Variants in LRP1B observed in about 807,000 individuals in gnomAD.
The protein encoded by LRP1B is LDL receptor related protein 1B, also known as low-density lipoprotein receptor-related protein 1B.
A neutral mutation model predicts 556.6 loss-of-function variants in LRP1B; 217 were observed. That is an observed-to-expected ratio of 0.39 (90% CI 0.35 to 0.44). The LOEUF is 0.44. LRP1B is among the 20% of genes least tolerant of loss of function. The pLI is 1.00. For missense variants in LRP1B, 5,053 were observed against 5,620.8 expected, an observed-to-expected ratio of 0.90 and a Z score of 3.23; for synonymous variants, 2,047 against 1,865.8, an observed-to-expected ratio of 1.10 and a Z score of -2.50.
At chr2:140,236,278 C>T (rs1201093391) in intron 89 of LRP1B, among the ~76,000 whole-genome samples, 3 of 150,728 alleles carry the variant, frequency 2.0e-5, no homozygotes, top group Non-Finnish European at 3.0e-5. Context: ...ACACCAATGA[C>T]TGTGATTGCA....
chr2:140,586,976 G>A (rs1356115647), intron 43 of LRP1B, among the ~76,000 whole-genome samples: 1 of 151,532 alleles, frequency 6.6e-6, no homozygotes, highest in Non-Finnish European at 1.5e-5. Flanking sequence ...AAAGGCTTTA[G>A]GAAAGAAATG....
intron 1 of LRP1B, among the ~76,000 whole-genome samples, chr2:141,928,547 T>A (rs892884): frequency 0.86 from 131,073 of 152,098 alleles, 56,628 homozygotes; most frequent in East Asian, 1. Context: ...ACAGACCTAC[T>A]GCTATCACAT....
At chr2:140,528,568 G>A (rs1690541456) in intron 47 of LRP1B, among the ~76,000 whole-genome samples, 1 of 151,774 alleles carries the variant, frequency 6.6e-6, no homozygotes, top group Non-Finnish European at 1.5e-5. Flanking sequence ...CTATCAGAGT[G>A]TGTAAGAGGT....
chr2:141,906,128 A>C (rs1298595781), intron 1 of LRP1B, among the ~76,000 whole-genome samples: 1 of 151,674 alleles, frequency 6.6e-6, no homozygotes, highest in Admixed American at 6.6e-5. Flanking sequence ...TATTTATTTG[A>C]GGCAGGGATC....
chr2:140,416,496 A>G (rs988091160), intron 66 of LRP1B, among the ~76,000 whole-genome samples: 4 of 152,042 alleles, frequency 2.6e-5, no homozygotes, highest in African/African-American at 9.7e-5. Context: ...CTCTACAAAA[A>G]AATACAAAAA....
At chr2:141,763,778 G>A (rs1425876874) in intron 2 of LRP1B, among the ~76,000 whole-genome samples, 1 of 152,110 alleles carries the variant, frequency 6.6e-6, no homozygotes, top group Non-Finnish European at 1.5e-5. Context: ...TTAAAAGCCA[G>A]AAGTTTAATA....
Position 140,247,182 on chromosome 2 carries a change from A to AAAC in LRP1B, c.13248-23_13248-21dup, listed in dbSNP as rs764759140. The AAAC allele has an allele frequency of 1.3e-6, 2 of 1,570,160 alleles. No individual in the cohort carries two copies. The highest frequency in any genetic ancestry group is 4.5e-5 in the East Asian group (2 of 44,328). On this transcript the variant is annotated intron_variant, in intron 86 of 90. Coordinates refer to ENST00000389484, the MANE Select transcript of LRP1B (RefSeq NM_018557.3). The stretch of plus-strand genomic sequence containing the variant: ...GAGCATCTAAAAATATCCAAACAAC[A>AAAC]AACAAAACAGATCAGCGAATAACAA...
intron 1 of LRP1B, among the ~76,000 whole-genome samples, chr2:141,962,936 T>C (rs932261686): frequency 2.6e-5 from 4 of 151,858 alleles, no homozygotes; most frequent in African/African-American, 9.7e-5. Flanking sequence ...GGACCTGGAA[T>C]AGCATCCTGT....
chr2:141,289,965 G>C (rs1392979663), intron 3 of LRP1B, among the ~76,000 whole-genome samples: 1 of 152,010 alleles, frequency 6.6e-6, no homozygotes, highest in Non-Finnish European at 1.5e-5. Context: ...AAAGTGACTT[G>C]GTTTTTTTTC....
chr2:141,254,373 T>C (rs1684381955), intron 4 of LRP1B, 149 bp downstream of exon 4: 1 of 719,922 alleles, frequency 1.4e-6, no homozygotes, highest in African/African-American at 1.8e-5. Flanking sequence ...GTTTATGTTT[T>C]TGTTGGGGGG....
At chr2:141,718,866 T>A (rs1692716399) in intron 2 of LRP1B, among the ~76,000 whole-genome samples, 1 of 152,092 alleles carries the variant, frequency 6.6e-6, no homozygotes. Context: ...AAAGTGAGGA[T>A]AAAAGCAAAA....
chr2:140,766,481 C>T (rs1689107651), intron 35 of LRP1B, among the ~76,000 whole-genome samples: 1 of 151,950 alleles, frequency 6.6e-6, no homozygotes, highest in Non-Finnish European at 1.5e-5. Context: ...TGGAAAGCTC[C>T]TGATAGCACC....
intron 2 of LRP1B, among the ~76,000 whole-genome samples, chr2:141,713,296 T>G (rs544866099): frequency 6.6e-6 from 1 of 152,282 alleles, no homozygotes; most frequent in East Asian, 1.9e-4. Context: ...CTTCTGAATC[T>G]TAAGTCCAAA....
At chr2:140,750,388 A>C (rs1688534623) in intron 35 of LRP1B, among the ~76,000 whole-genome samples, 1 of 152,094 alleles carries the variant, frequency 6.6e-6, no homozygotes, top group Admixed American at 6.6e-5. Flanking sequence ...GTCCATTCTT[A>C]TTTCAAGTCT....
intron 52 of LRP1B, among the ~76,000 whole-genome samples, chr2:140,508,991 G>A (rs1303153938): frequency 6.6e-6 from 1 of 151,748 alleles, no homozygotes; most frequent in Non-Finnish European, 1.5e-5. Flanking sequence ...TATGAGTTCT[G>A]TGCAAATAGG....
At chr2:141,741,991 G>T (rs1036802757) in intron 2 of LRP1B, among the ~76,000 whole-genome samples, 1 of 152,130 alleles carries the variant, frequency 6.6e-6, no homozygotes, top group South Asian at 2.1e-4. Flanking sequence ...TAGGCGTCTA[G>T]CTTCATTCTT....
In LRP1B at chr2:141,610,718, T is replaced by C. The variant is rs547154342; in HGVS notation, c.206-130185A>G. Among the ~76,000 whole-genome samples the C allele has an allele frequency of 5.9e-5, 9 of 152,208 alleles. No individual in the cohort carries two copies. In the South Asian group the frequency reaches 6.2e-4, roughly 10 times the overall value. Reference sequence around the variant, plus strand: ...GGCAGCAAGTCTGCCTTTTTCATCATGATTTTCTGACATTCAGAATGATGA... The same window carrying C: ...GGCAGCAAGTCTGCCTTTTTCATCACGATTTTCTGACATTCAGAATGATGA... On this transcript the variant is annotated intron_variant, in intron 2 of 90. Coordinates refer to ENST00000389484, the MANE Select transcript of LRP1B (RefSeq NM_018557.3).
chr2:140,785,142 C>A (rs1476148874), intron 32 of LRP1B, among the ~76,000 whole-genome samples: 1 of 152,068 alleles, frequency 6.6e-6, no homozygotes, highest in African/African-American at 2.4e-5. Context: ...ATTGAGAAGA[C>A]AAGAATGTCT....
At chr2:141,625,181 G>A (rs140967528) in intron 2 of LRP1B, among the ~76,000 whole-genome samples, 17 of 151,998 alleles carry the variant, frequency 1.1e-4, no homozygotes, top group Admixed American at 9.2e-4. Context: ...TCTTTTCTTC[G>A]CACTTTTTAA....
Sources: gnomAD v4.1 joint callset for allele counts (sites outside exome capture counted in the v4.1 genomes callset) on GRCh38, gnomAD v4.1.1 for gene constraint, MANE v1.5 for transcripts, NCBI Gene and HGNC (gene_info 2026-07-23, HGNC 2026-07-21) for gene names.